The following NSFL1C variants were observed in gnomAD, a reference collection of about 807,000 sequenced individuals.
The protein encoded by NSFL1C is NSFL1 cofactor p47.
Under a neutral mutation model 43.1 loss-of-function variants are expected in NSFL1C, and 14 were observed. That is an observed-to-expected ratio of 0.32 (90% CI 0.21 to 0.51). The LOEUF is 0.51. NSFL1C is among the 20% of genes least tolerant of loss of function. The pLI is 0.98. For synonymous variants in NSFL1C, 171 were observed against 183.5 expected, an observed-to-expected ratio of 0.93 and a Z score of 0.55; for missense variants, 406 against 472.5, an observed-to-expected ratio of 0.86 and a Z score of 1.30.
chr20:1,464,953 A>T (rs934739053), intron 1 of NSFL1C, among the ~76,000 whole-genome samples: 1 of 152,182 alleles, frequency 6.6e-6, no homozygotes, highest in African/African-American at 2.4e-5. Context: ...TACAGCCCGG[A>T]GTCAGGAACT....
Position 1,443,656 on chromosome 20 carries a change from G to C in NSFL1C, c.*93C>G, listed in dbSNP as rs977038723. On this transcript the variant is annotated 3_prime_UTR_variant, in exon 9 of 9. Coordinates refer to ENST00000216879, the MANE Select transcript of NSFL1C (RefSeq NM_016143.5). ...AGGAGACGTTGCACTGGACTGCTGG[G>C]TGTGCACAAGGGGGCAGGAGGGGCG... 1.7e-5 allele frequency: 23 copies of C among 1,336,816 alleles called. No homozygotes were observed. The African/African-American group carries it at 2.4e-4, about 14-fold the overall frequency. The allele number at this position is 1,336,816 out of a possible 1,614,324, so 82.8% of individuals were successfully genotyped here.
intron 7 of NSFL1C, among the ~76,000 whole-genome samples, chr20:1,447,812 G>C (rs2090095414): frequency 6.7e-6 from 1 of 149,344 alleles, no homozygotes; most frequent in African/African-American, 2.5e-5. Flanking sequence ...CACCGACTCT[G>C]TGCAGGTATT....
rs575737426 is a variant in NSFL1C, at chr20:1,444,706, C to T, written c.951-795G>A. On this transcript the variant is annotated intron_variant, in intron 8 of 8. Coordinates refer to ENST00000216879, the MANE Select transcript of NSFL1C (RefSeq NM_016143.5). ...CTTTTAGCAAACCAAGCTTTTTCAC[C>T]TAGCAAAGCCTCTGCATGGGCTGTC... Among the ~76,000 whole-genome samples, 8 of 152,340 alleles carry T rather than the reference C, an allele frequency of 5.3e-5. No individual in the cohort carries two copies. In the South Asian group the frequency reaches 1.0e-3, roughly 20 times the overall value.
At chr20:1,450,451 T>G (rs1397538987) in intron 7 of NSFL1C, among the ~76,000 whole-genome samples, 1 of 152,230 alleles carries the variant, frequency 6.6e-6, no homozygotes, top group African/African-American at 2.4e-5. Context: ...TCAAGTTCTA[T>G]CTTGTGCTCA....
chr20:1,451,388 GT>G (rs2090178096), intron 7 of NSFL1C, among the ~76,000 whole-genome samples: 1 of 152,202 alleles, frequency 6.6e-6, no homozygotes, highest in Admixed American at 6.5e-5. Context: ...AGATAGTGAG[GT>G]GAGCAAGGGC....
In NSFL1C at chr20:1,446,057, T is replaced by C. The variant is rs1373390562; in HGVS notation, c.786-227A>G. 12 of 578,320 alleles carry C rather than the reference T, an allele frequency of 2.1e-5. No homozygotes were observed. In the East Asian group the frequency reaches 3.4e-4, roughly 16 times the overall value. The allele number at this position is 578,320 out of a possible 1,614,324, so 35.8% of individuals were successfully genotyped here. ...ATTTCATACGTTATTGCTAGCTCCC[T>C]CGCTCCTGAGTAATGTGGGCAAGTT... is the stretch of plus-strand genomic sequence containing the variant. On this transcript the variant is annotated intron_variant, in intron 7 of 8. Coordinates refer to ENST00000216879, the MANE Select transcript of NSFL1C (RefSeq NM_016143.5).
chr20:1,447,930 A>T (rs1333797513), intron 7 of NSFL1C, among the ~76,000 whole-genome samples: 2 of 152,198 alleles, frequency 1.3e-5, no homozygotes, highest in Non-Finnish European at 2.9e-5. Flanking sequence ...CACGCTATGG[A>T]TCATTTTTAA....
At chr20:1,465,488 T>C (rs1022862662) in intron 1 of NSFL1C, among the ~76,000 whole-genome samples, 27 of 152,232 alleles carry the variant, frequency 1.8e-4, no homozygotes, top group African/African-American at 6.3e-4. Flanking sequence ...GTCTTTCAGG[T>C]AGAAACTTTT....
intron 7 of NSFL1C, among the ~76,000 whole-genome samples, chr20:1,447,887 T>C (rs1387750120): frequency 6.6e-6 from 1 of 152,154 alleles, no homozygotes; most frequent in Non-Finnish European, 1.5e-5. Flanking sequence ...GAGAGGGGTG[T>C]ATCTCCATTT....
At chr20:1,447,679 C>T (rs534270110) in intron 7 of NSFL1C, among the ~76,000 whole-genome samples, 67 of 152,240 alleles carry the variant, frequency 4.4e-4, no homozygotes, top group South Asian at 2.1e-3. Flanking sequence ...TTGAAACCAC[C>T]GCCTGCCAGA....
intron 2 of NSFL1C, 62 bp from the exon 3 acceptor site, chr20:1,458,336 C>CCTCCTTAG: frequency 1.4e-6 from 2 of 1,404,394 alleles, no homozygotes; most frequent in Non-Finnish European, 2.0e-6. Flanking sequence ...ACCCTCATCA[C>CCTCCTTAG]CAGCTGCTAA....
intron 7 of NSFL1C, among the ~76,000 whole-genome samples, chr20:1,448,317 G>A (rs1192265730): frequency 6.6e-6 from 1 of 152,238 alleles, no homozygotes; most frequent in African/African-American, 2.4e-5. Flanking sequence ...TAAACAGACA[G>A]TGTGGCCTTA....
intron 2 of NSFL1C, among the ~76,000 whole-genome samples, chr20:1,460,835 C>T (rs1005536314): frequency 6.6e-6 from 1 of 152,248 alleles, no homozygotes; most frequent in Middle Eastern, 3.4e-3. Flanking sequence ...ATCAGACAAT[C>T]GTAGTTCCCG....
chr20:1,445,358 T>C (rs2090036113), intron 8 of NSFL1C, among the ~76,000 whole-genome samples: 1 of 152,150 alleles, frequency 6.6e-6, no homozygotes, highest in Non-Finnish European at 1.5e-5. Flanking sequence ...CACAGGACTT[T>C]AGCATGGGAC....
At chr20:1,452,904 C>T (rs368321289) in intron 6 of NSFL1C, 127 bp downstream of exon 6, 9 of 727,110 alleles carry the variant, frequency 1.2e-5, no homozygotes, top group South Asian at 8.0e-5. Context: ...TCTATGAATC[C>T]GTATCTCAAC....
chr20:1,444,300 C>T (rs1424825591), intron 8 of NSFL1C, among the ~76,000 whole-genome samples: 2 of 152,242 alleles, frequency 1.3e-5, no homozygotes, highest in African/African-American at 4.8e-5. Context: ...TCCAATGCCA[C>T]CTCCTCAGGA....
intron 7 of NSFL1C, chr20:1,446,170 T>C (rs1026355477): frequency 4.7e-6 from 2 of 427,020 alleles, no homozygotes; most frequent in Admixed American, 6.5e-5. Flanking sequence ...AGAGACAGGG[T>C]CATAAGGCTG....
intron 1 of NSFL1C, among the ~76,000 whole-genome samples, chr20:1,466,367 G>GAGC (rs1263285632): frequency 6.6e-6 from 1 of 152,220 alleles, no homozygotes; most frequent in African/African-American, 2.4e-5. Context: ...CTTCACCCAA[G>GAGC]AGCTGCTCAC....
chr20:1,458,326 A>AC, intron 2 of NSFL1C, 52 bp from the exon 3 acceptor site: 1 of 1,462,724 alleles, frequency 6.8e-7, no homozygotes, highest in Admixed American at 1.7e-5. Flanking sequence ...AAGAAAGGTA[A>AC]CCCTCATCAC....
Sources: gnomAD v4.1 joint callset for allele counts (sites outside exome capture counted in the v4.1 genomes callset) on GRCh38, gnomAD v4.1.1 for gene constraint, MANE v1.5 for transcripts, NCBI Gene and HGNC (gene_info 2026-07-23, HGNC 2026-07-21) for gene names.